ANKS1B: variants seen among roughly 807,000 people sequenced by gnomAD.
ANKS1B encodes the protein ankyrin repeat and sterile alpha motif domain containing 1B, also known as ankyrin repeat and sterile alpha motif domain-containing protein 1B.
In ANKS1B, 36 loss-of-function variants were observed where a neutral mutation model predicts 148.3. That is an observed-to-expected ratio of 0.24 (90% CI 0.19 to 0.32). The LOEUF (loss-of-function observed/expected upper bound fraction) is 0.32, where lower values mean the gene tolerates loss of function less well. ANKS1B is among the 10% of genes least tolerant of loss of function. The pLI is 1.00. For missense variants in ANKS1B, 1,157 were observed against 1,542.6 expected (o/e 0.75, Z 4.19); for synonymous variants, 542 against 560.8 (o/e 0.97, Z 0.47).
At chr12:99,932,884 C>T (rs887815611) in intron 1 of ANKS1B, among the ~76,000 whole-genome samples, 1 of 151,994 alleles carries the variant, frequency 6.6e-6, no homozygotes, top group African/African-American at 2.4e-5. Context: ...TTTCTTGTAC[C>T]AATTTCATAG....
chr12:98,954,554 G>A (rs533985165), intron 17 of ANKS1B: 1 of 152,334 alleles, frequency 6.6e-6, no homozygotes, highest in South Asian at 2.1e-4. Context: ...GAACAAAATG[G>A]TGTTTATGTA....
At chr12:99,928,384 T>C (rs1481755007) in intron 1 of ANKS1B, among the ~76,000 whole-genome samples, 1 of 150,476 alleles carries the variant, frequency 6.6e-6, no homozygotes, top group Non-Finnish European at 1.5e-5. Flanking sequence ...GTTCACGCCA[T>C]TCTCCTGCCT....
intron 17 of ANKS1B, among the ~76,000 whole-genome samples, chr12:99,015,553 G>C (rs1160245614): frequency 1.3e-5 from 2 of 152,152 alleles, no homozygotes; most frequent in Non-Finnish European, 2.9e-5. Flanking sequence ...AGATGTTGAA[G>C]GAAAATAGTA....
intron 14 of ANKS1B, among the ~76,000 whole-genome samples, chr12:99,204,646 C>T (rs2082428857): frequency 6.6e-6 from 1 of 152,172 alleles, no homozygotes; most frequent in Non-Finnish European, 1.5e-5. Context: ...CTTTCAAGTA[C>T]TTTGTAGTGG....
Position 98,801,754 on chromosome 12 carries a change from A to G in ANKS1B, c.3142-629T>C, listed in dbSNP as rs1566673182. On this transcript the variant is annotated intron_variant, in intron 20 of 26. Transcript: ENST00000683438. The surrounding 1 kb of genome is among the most constrained non-coding windows in gnomAD (Gnocchi z 5.2). ...AAAACCTAACGTACCAATGAAGACT[A>G]AACAGTGAAATGCCAAGTTTGGTCA... 6.6e-6 allele frequency among the ~76,000 whole-genome samples: 1 copy of G among 152,238 alleles called. No homozygotes were observed. Among genetic ancestry groups the G allele is most frequent in the East Asian group, 1.9e-4 (1 of 5,204 alleles).
chr12:99,884,542 T>C (rs2092719175), intron 1 of ANKS1B, among the ~76,000 whole-genome samples: 1 of 152,210 alleles, frequency 6.6e-6, no homozygotes, highest in Non-Finnish European at 1.5e-5. Context: ...GGCACATTCA[T>C]ACAACAGAAT....
At chr12:99,477,433 C>A (rs1346116887) in intron 10 of ANKS1B, among the ~76,000 whole-genome samples, 1 of 152,076 alleles carries the variant, frequency 6.6e-6, no homozygotes, top group Non-Finnish European at 1.5e-5. Flanking sequence ...CCTGGAAATC[C>A]CTTCAGTCCT....
At chr12:98,851,523 C>T (rs997599442) in intron 17 of ANKS1B, among the ~76,000 whole-genome samples, 6 of 152,062 alleles carry the variant, frequency 3.9e-5, no homozygotes, top group African/African-American at 1.4e-4. Context: ...ATTAATTTTG[C>T]TAAGGGGGAA....
chr12:99,697,628 A>C (rs2054136721), intron 8 of ANKS1B, among the ~76,000 whole-genome samples: 1 of 152,128 alleles, frequency 6.6e-6, no homozygotes. Context: ...TTTTTAGGGT[A>C]GTGAAACTAT....
intron 22 of ANKS1B, chr12:98,795,084 A>C: frequency 1.7e-6 from 1 of 585,370 alleles, no homozygotes; most frequent in Non-Finnish European, 3.0e-6. Flanking sequence ...AAAATGATTA[A>C]AATATATTTT....
rs2055395717 is a variant in ANKS1B at position 99,704,499 on chromosome 12, T to C, written c.1129-49289A>G. On this transcript the variant is annotated intron_variant, in intron 8 of 26. Coordinates refer to ENST00000683438, the MANE Select transcript of ANKS1B (RefSeq NM_001352186.2). The stretch of plus-strand genomic sequence containing the variant: ...ACATATTAGACTACATCTAGAAATG[T>C]ATTTGTATATGTATTTCTAGACACA... 2.0e-5 allele frequency among the ~76,000 whole-genome samples: 3 copies of C among 152,136 alleles called. No homozygotes were observed. In the South Asian group the frequency reaches 6.2e-4, roughly 31 times the overall value.
chr12:99,702,150 C>T (rs2054933901), intron 8 of ANKS1B, among the ~76,000 whole-genome samples: 1 of 152,102 alleles, frequency 6.6e-6, no homozygotes, highest in Non-Finnish European at 1.5e-5. Context: ...AATTTACATT[C>T]CCACCAATGG....
chr12:98,963,356 T>C (rs188067979), intron 17 of ANKS1B, among the ~76,000 whole-genome samples: 1 of 152,116 alleles, frequency 6.6e-6, no homozygotes, highest in African/African-American at 2.4e-5. Flanking sequence ...TTTTGTATTT[T>C]TTGTAGAGAT....
intron 17 of ANKS1B, among the ~76,000 whole-genome samples, chr12:99,004,471 G>A (rs1240277422): frequency 6.6e-6 from 1 of 152,046 alleles, no homozygotes; most frequent in Non-Finnish European, 1.5e-5. Context: ...TTTGATGATG[G>A]GCTCTTAATA....
rs116114823 is a variant in ANKS1B at position 99,595,768 on chromosome 12, T to C, written c.1272+59299A>G. Among the ~76,000 whole-genome samples, 1,160 of 152,090 alleles carry C rather than the reference T, an allele frequency of 7.6e-3. 15 individuals are homozygous for C. The highest frequency in any genetic ancestry group is 0.027 in the African/African-American group (1,101 of 41,542). On this transcript the variant is annotated intron_variant, in intron 9 of 26. Transcript: ENST00000683438. The stretch of plus-strand genomic sequence containing the variant: ...TAAATGATTCAAAACAAAATACATA[T>C]GCTTTGTGCATAGTACATAGCATAC...
At chr12:99,230,439 G>C (rs2086652820) in intron 14 of ANKS1B, among the ~76,000 whole-genome samples, 1 of 152,050 alleles carries the variant, frequency 6.6e-6, no homozygotes, top group Admixed American at 6.6e-5. Context: ...GCCCCTTCTG[G>C]AGGGTTAGAT....
At chr12:99,626,122 C>G (rs556976408) in intron 9 of ANKS1B, among the ~76,000 whole-genome samples, 1 of 152,070 alleles carries the variant, frequency 6.6e-6, no homozygotes, top group Non-Finnish European at 1.5e-5. Context: ...AAATGAAATG[C>G]TCTAACCTGA....
At chr12:99,859,519 A>G (rs1203684407) in intron 1 of ANKS1B, among the ~76,000 whole-genome samples, 4 of 152,220 alleles carry the variant, frequency 2.6e-5, no homozygotes, top group South Asian at 2.1e-4. Context: ...TAGTGTCTGA[A>G]TATTCACTAC....
In ANKS1B at chr12:98,745,339, A is replaced by G; in HGVS notation, c.*400T>C. 2 of 984,324 alleles carry G rather than the reference A, an allele frequency of 2.0e-6. No homozygotes were observed. Among genetic ancestry groups the G allele is most frequent in the Non-Finnish European group, 2.4e-6 (2 of 831,186 alleles). 61.0% of individuals were successfully genotyped at this position (984,324 alleles called of 1,614,324 possible). ...TCACCTTTAAAACTGCTGACAGTGA[A>G]AGCATACTTTTAGGCAGTATTAGAG... On this transcript the variant is annotated 3_prime_UTR_variant, in exon 27 of 27. Transcript: ENST00000683438.
Sources: allele counts gnomAD v4.1 joint callset (sites outside exome capture counted in the v4.1 genomes callset), GRCh38; gene constraint gnomAD v4.1.1; non-coding constraint Gnocchi (gnomAD v3.1); transcripts MANE v1.5; gene names NCBI Gene and HGNC (gene_info 2026-07-23, HGNC 2026-07-21).